Variants in DYRK4 observed in about 807,000 individuals in gnomAD.
DYRK4 encodes dual specificity tyrosine-phosphorylation-regulated kinase 4.
DYRK4 carries 64 observed loss-of-function variants against 68.3 expected under a neutral mutation model. The observed-to-expected ratio is 0.94, with a 90% CI of 0.77 to 1.15. The LOEUF (loss-of-function observed/expected upper bound fraction) is 1.15, where lower values mean the gene tolerates loss of function less well. Ranked by LOEUF, DYRK4 falls within the 50% of genes most tolerant of loss-of-function variation. DYRK4 has a pLI of 0.00. For missense variants in DYRK4, 740 were observed against 764.7 expected (o/e 0.97, Z 0.38); for synonymous variants, 274 against 289.9 (o/e 0.95, Z 0.56).
At chr12:4,605,125 T>C in intron 11 of DYRK4, 39 bp downstream of exon 11, 1 of 1,588,408 alleles carries the variant, frequency 6.3e-7, no homozygotes, top group Admixed American at 1.7e-5. Flanking sequence ...ACGGAGACCG[T>C]GGGCTTGGCC....
chr12:4,606,894 C>G (rs1229369926), intron 11 of DYRK4, among the ~76,000 whole-genome samples: 1 of 152,202 alleles, frequency 6.6e-6, no homozygotes. Context: ...CTACACTTTT[C>G]TTTTCAAGAA....
At chr12:4,580,451 A>G (rs992809291) in intron 2 of DYRK4, among the ~76,000 whole-genome samples, 3 of 152,148 alleles carry the variant, frequency 2.0e-5, no homozygotes, top group Non-Finnish European at 2.9e-5. Flanking sequence ...CTTAGCTTCA[A>G]ATGGCAGTGG....
chr12:4,584,378 G>A lies in DYRK4; in HGVS notation c.133-4559G>A, dbSNP rs1432819922. ...TCCTTCCGGCTTGCGGAAGCAGGAG[G>A]CAGGTGTTGCCGGAAGAATCTTTGA... On this transcript the variant is annotated intron_variant, in intron 2 of 14. Transcript: ENST00000543431. Among the ~76,000 whole-genome samples, 7 of 152,264 alleles carry A rather than the reference G, an allele frequency of 4.6e-5. No homozygotes were observed. The East Asian group carries it at 9.7e-4, about 21-fold the overall frequency.
intron 3 of DYRK4, among the ~76,000 whole-genome samples, chr12:4,589,288 T>C (rs1944928221): frequency 6.6e-6 from 1 of 152,246 alleles, no homozygotes; most frequent in Non-Finnish European, 1.5e-5. Flanking sequence ...GATGTAGATA[T>C]GCAATGTGTA....
Position 4,612,682 on chromosome 12 carries a change from G to C in DYRK4, c.1630G>C (p.Asp544His), listed in dbSNP as rs1161933948. 6.2e-7 allele frequency: 1 copy of C among 1,614,168 alleles called. No homozygotes were observed. ...CTTTTTCCCCTCTGAGACAAGGAAG[G>C]ACAAGGTTCAAGGCTGTCATCACTC... ...NSFFPSETRK[D>H]KVQGCHHSSR... The change falls in exon 14 of 15, where the codon GAC (aspartate) becomes CAC (histidine). Residue 544 changes from aspartate to histidine, a missense_variant. Coordinates refer to ENST00000543431, the MANE Select transcript of DYRK4 (RefSeq NM_001394779.1).
chr12:4,563,180 T>C lies in DYRK4; in HGVS notation c.38+897T>C, dbSNP rs71459909. ...TTTGATCACCTACATGTGGTCGGTA[T>C]GTAAAACCTAGGAGTTCGAAGAAAT... On this transcript the variant is annotated intron_variant, in intron 1 of 14. Transcript: ENST00000543431. 1.6e-3 allele frequency: 722 copies of C among 455,832 alleles called. 3 individuals carry two copies. Among genetic ancestry groups the C allele is most frequent in the Non-Finnish European group, 2.9e-3 (651 of 226,654 alleles). The allele number at this position is 455,832 out of a possible 1,614,324, so 28.2% of individuals were successfully genotyped here.
chr12:4,599,833 T>C (rs1945061636), intron 10 of DYRK4, 45 bp downstream of exon 10: 1 of 1,534,698 alleles, frequency 6.5e-7, no homozygotes, highest in Non-Finnish European at 9.0e-7. Context: ...CCTATTGCAA[T>C]TTCTCTCCCT....
intron 2 of DYRK4, among the ~76,000 whole-genome samples, chr12:4,584,636 AG>A (rs1944876852): frequency 6.8e-6 from 1 of 146,172 alleles, no homozygotes; most frequent in Non-Finnish European, 1.5e-5. Flanking sequence ...GCTCACTGCA[AG>A]CTCTGCCTCC....
chr12:4,583,705 C>T (rs1944866569), intron 2 of DYRK4, among the ~76,000 whole-genome samples: 1 of 152,078 alleles, frequency 6.6e-6, no homozygotes, highest in Admixed American at 6.6e-5. Flanking sequence ...TTGACTCTCA[C>T]TTTTGAAAGT....
chr12:4,602,616 C>T (rs1945094161), intron 10 of DYRK4: 3 of 1,345,674 alleles, frequency 2.2e-6, no homozygotes, highest in Admixed American at 1.7e-5. Flanking sequence ...AATCTTCTTT[C>T]TTGATGCCAC....
intron 4 of DYRK4, chr12:4,590,753 G>A (rs977199424): frequency 4.8e-6 from 2 of 418,326 alleles, no homozygotes; most frequent in Admixed American, 8.5e-5. Flanking sequence ...CTTCTTTTGT[G>A]TAGGGACCAA....
At chr12:4,575,298 A>ATTGTGTGTGTGTGTGTGTGTGTGTTT in intron 2 of DYRK4, among the ~76,000 whole-genome samples, 1 of 144,188 alleles carries the variant, frequency 6.9e-6, no homozygotes. Context: ...ACAATAACTT[A>ATTGTGTGTGTGTGTGTGTGTGTGTTT]CTGTGTGTGT....
chr12:4,597,109 A>C (rs1945027156), intron 8 of DYRK4: 3 of 1,080,508 alleles, frequency 2.8e-6, no homozygotes, highest in East Asian at 2.0e-4. Context: ...AACCCAAAGG[A>C]ACAGGCAGCT....
chr12:4,580,839 A>G (rs1235192355), intron 2 of DYRK4: 1 of 455,496 alleles, frequency 2.2e-6, no homozygotes, highest in Non-Finnish European at 4.4e-6. Flanking sequence ...GACAAGGAGG[A>G]GTCAGCTGAG....
Position 4,593,170 on chromosome 12 carries a change from TGGGG to T in DYRK4, c.627+7_627+10del. The stretch of plus-strand genomic sequence containing the variant: ...GAGCATGGCTTCTATCTGAAGGTGA[TGGGG>T]GTGGGGGCCATGGGAACCTGCAGGG... On this transcript the variant is annotated splice_donor_region_variant and intron_variant, in intron 6 of 14. Coordinates refer to ENST00000543431, the MANE Select transcript of DYRK4 (RefSeq NM_001394779.1). 3 of 1,612,400 alleles carry T rather than the reference TGGGG, an allele frequency of 1.9e-6. No homozygotes were observed.
At chr12:4,607,226 T>G (rs1288945834) in intron 11 of DYRK4, 101 bp from the exon 12 acceptor site, 2 of 1,347,002 alleles carry the variant, frequency 1.5e-6, no homozygotes, top group East Asian at 2.4e-5. Flanking sequence ...CTTTGAATCC[T>G]TATCTGTAGA....
intron 2 of DYRK4, among the ~76,000 whole-genome samples, chr12:4,572,142 G>T (rs981804145): frequency 1.2e-4 from 18 of 152,198 alleles, no homozygotes; most frequent in African/African-American, 4.3e-4. Context: ...GCTGAGAATG[G>T]TAATGACTCA....
At chr12:4,563,238 G>C in intron 1 of DYRK4, 2 of 427,170 alleles carry the variant, frequency 4.7e-6, no homozygotes, top group South Asian at 3.4e-5. Context: ...TATTGTTTCT[G>C]TTACTTAAAT....
intron 2 of DYRK4, among the ~76,000 whole-genome samples, chr12:4,581,397 C>T (rs1480983237): frequency 6.6e-6 from 1 of 152,192 alleles, no homozygotes; most frequent in Non-Finnish European, 1.5e-5. Context: ...CTCTTGTTTC[C>T]TTTGAGTAGC....
Sources: gnomAD v4.1 joint callset for allele counts (sites outside exome capture counted in the v4.1 genomes callset) on GRCh38, gnomAD v4.1.1 for gene constraint, MANE v1.5 for transcripts, NCBI Gene and HGNC (gene_info 2026-07-23, HGNC 2026-07-21) for gene names.